Variants in MYH7 observed in about 807,000 individuals in gnomAD.
MYH7 encodes myosin heavy chain 7, also known as myosin-7.
A neutral mutation model predicts 225.4 loss-of-function variants in MYH7; 129 were observed. The observed-to-expected ratio is 0.57, with a 90% CI of 0.50 to 0.66. The LOEUF is 0.66. MYH7 is among the 30% of genes least tolerant of loss of function. The pLI is 0.00. For missense variants in MYH7, 1,649 were observed against 2,517.0 expected (o/e 0.66, Z 7.38); for synonymous variants, 971 against 1,007.6 (o/e 0.96, Z 0.69).
chr14:23,418,396 G>T lies in MYH7; in HGVS notation c.3983C>A (p.Ala1328Asp). 6.2e-7 allele frequency: 1 copy of T among 1,607,678 alleles called. No homozygotes were observed. Among genetic ancestry groups the T allele is most frequent in the Non-Finnish European group, 8.5e-7 (1 of 1,175,642 alleles). The change falls in exon 30 of 40, where the codon GCC becomes GAC. Residue 1328 changes from alanine to aspartate, a missense_variant. By Grantham distance (126) the Ala-to-Asp change is moderately radical. This residue lies in a region of MYH7 where 687 missense variants were observed against 913.8 expected (regional missense o/e 0.75). Coordinates refer to ENST00000355349, the MANE Select transcript of MYH7 (RefSeq NM_000257.4). ...QLEEEVKAKN[A>D]LAHALQSARH... The stretch of plus-strand genomic sequence containing the variant: ...GGCCGACTGCAGTGCGTGGGCCAGG[G>T]CGTTCTTCGCCTGGGGAGGGGTGGG...
chr14:23,428,754 C>T, intron 14 of MYH7, 84 bp from the exon 15 acceptor site: 1 of 1,606,018 alleles, frequency 6.2e-7, no homozygotes, highest in East Asian at 2.2e-5. Context: ...GTGCCTGAGC[C>T]CAGCAGGGCG....
In MYH7 at chr14:23,413,897, C is replaced by G. The variant is rs397516250; in HGVS notation, c.5656-4G>C. ...GGTTGGTGTTGGCTTGCTCCTCCTG[C>G]GGGAGGTGGGAGCATGAGGTGAGAG... On this transcript the variant is annotated splice_polypyrimidine_tract_variant and splice_region_variant and intron_variant, in intron 38 of 39. Transcript: ENST00000355349. The G allele has an allele frequency of 4.3e-6, 7 of 1,614,212 alleles. No homozygotes were observed. Among genetic ancestry groups the G allele is most frequent in the Non-Finnish European group, 5.9e-6 (7 of 1,180,050 alleles).
In MYH7 at chr14:23,417,157, C is replaced by T. The variant is rs397516219; in HGVS notation, c.4515G>A (p.Leu1505=). 96 of 1,614,068 alleles carry T rather than the reference C, an allele frequency of 5.9e-5. No homozygotes were observed. The highest frequency in any genetic ancestry group is 7.9e-5 in the Non-Finnish European group (93 of 1,180,044). The change falls in exon 32 of 40, where the codon CTG becomes CTA. Residue 1505 remains leucine, a synonymous_variant. Transcript: ENST00000355349. The stretch of plus-strand genomic sequence containing the variant: ...CCTCTTGGGCCCCCAGCACACCCTG[C>T]AGGTTTTTGTTCTCCCGCTTGAAGG... ...LETFKRENKN[L]QEEISDLTEQ... is the part of the protein sequence containing the mutation.
intron 39 of MYH7, 105 bp downstream of exon 39, chr14:23,413,654 C>T: frequency 6.6e-7 from 1 of 1,515,014 alleles, no homozygotes; most frequent in Non-Finnish European, 9.0e-7. Context: ...CCATGTGGCT[C>T]AAGTGTGTGG....
At chr14:23,416,422 G>C in intron 33 of MYH7, 110 bp from the exon 34 acceptor site, 1 of 1,236,198 alleles carries the variant, frequency 8.1e-7, no homozygotes, top group Non-Finnish European at 1.1e-6. Flanking sequence ...TGGTGTAAGT[G>C]GTTCAAAGAA....
At chr14:23,418,469 C>A in intron 29 of MYH7, 63 bp from the exon 30 acceptor site, 1 of 1,513,086 alleles carries the variant, frequency 6.6e-7, no homozygotes, top group Non-Finnish European at 8.8e-7. Context: ...CCCACCCTTG[C>A]CCTTCTCCTC....
chr14:23,431,651 C>T lies in MYH7; in HGVS notation c.666G>A (p.Gln222=), dbSNP rs1489868206. 3 of 1,614,244 alleles carry T rather than the reference C, an allele frequency of 1.9e-6. No individual in the cohort carries two copies. Among genetic ancestry groups the T allele is most frequent in the Non-Finnish European group, 2.5e-6 (3 of 1,180,048 alleles). The change falls in exon 8 of 40, where the codon CAG becomes CAA. Residue 222 remains glutamine (Q), a synonymous_variant. Coordinates refer to ENST00000355349, the MANE Select transcript of MYH7 (RefSeq NM_000257.4). ...CAAAGGCCTCCAGAGCAGGGTTGGC[C>T]TGGATGATCTGGTCCTCCAGGGTGC... ...GKGTLEDQII[Q]ANPALEAFGN... is the part of the protein sequence containing the mutation.
intron 22 of MYH7, among the ~76,000 whole-genome samples, chr14:23,424,358 G>C (rs1021646189): frequency 1.3e-5 from 2 of 152,218 alleles, no homozygotes; most frequent in African/African-American, 4.8e-5. Flanking sequence ...AAAGGAACCA[G>C]AAATCTTCAT....
At position 23,415,809 on chromosome 14, in the gene MYH7, A is replaced by G. The variant is rs753021990; in HGVS notation, c.4977T>C (p.Asp1659=). 14 of 1,614,192 alleles carry G rather than the reference A, an allele frequency of 8.7e-6. 1 individual carries two copies. The South Asian group carries it at 1.3e-4, about 15-fold the overall frequency. The change falls in exon 35 of 40, where the codon GAT becomes GAC. Residue 1659 remains aspartate (D), a synonymous_variant. Coordinates refer to ENST00000355349, the MANE Select transcript of MYH7 (RefSeq NM_000257.4). This position sits in a 1 kb window ranked among gnomAD's most constrained non-coding sequence, Gnocchi z 6.3. ...LLKDTQIQLD[D]AVRANDDLKE... ...TCAGGTCGTCGTTGGCACGGACTGC[A>G]TCGTCCAGCTGAATCTGGGTGTCCT...
chr14:23,422,115 C>T (rs916123), intron 25 of MYH7, 65 bp downstream of exon 25: 1 of 1,608,458 alleles, frequency 6.2e-7, no homozygotes, highest in Admixed American at 1.7e-5. Context: ...GGATGGCTGT[C>T]TTGGGTCTGC....
chr14:23,434,028 C>G (rs1465044132), intron 2 of MYH7, among the ~76,000 whole-genome samples, 166 bp downstream of exon 2: 1 of 152,258 alleles, frequency 6.6e-6, no homozygotes, highest in East Asian at 1.9e-4. Flanking sequence ...ATTTCCATCT[C>G]TGACCCTCAT....
At chr14:23,428,406 T>C (rs1892782468) in intron 15 of MYH7, 94 bp downstream of exon 15, 2 of 1,589,152 alleles carry the variant, frequency 1.3e-6, no homozygotes, top group East Asian at 2.2e-5. Context: ...CTTCTATTTT[T>C]ATATTCCCCA....
intron 25 of MYH7, among the ~76,000 whole-genome samples, chr14:23,421,372 CTTTAAT>C (rs1251250870): frequency 6.6e-6 from 1 of 152,160 alleles, no homozygotes; most frequent in Non-Finnish European, 1.5e-5. Context: ...CTCTGATGGT[CTTTAAT>C]TTTGTCACTA....
chr14:23,433,313 C>T lies in MYH7; in HGVS notation c.202-86G>A. On this transcript the variant is annotated intron_variant, in intron 3 of 39. Coordinates refer to ENST00000355349, the MANE Select transcript of MYH7 (RefSeq NM_000257.4). This position sits in a 1 kb window ranked among gnomAD's most constrained non-coding sequence, Gnocchi z 4.1. ...GGTTAGGAGTTGGTGAGTGACAGGGCAATAGTGCTCAAGAGAGAAGGAACC... is the reference window on the plus strand; with the variant it reads ...GGTTAGGAGTTGGTGAGTGACAGGGTAATAGTGCTCAAGAGAGAAGGAACC... 6.3e-7 allele frequency: 1 copy of T among 1,586,622 alleles called. No individual in the cohort carries two copies. Among genetic ancestry groups the T allele is most frequent in the Admixed American group, 1.7e-5 (1 of 57,904 alleles).
At chr14:23,427,064 A>G (rs1354670203) in intron 17 of MYH7, among the ~76,000 whole-genome samples, 176 bp downstream of exon 17, 1 of 151,774 alleles carries the variant, frequency 6.6e-6, no homozygotes, top group Non-Finnish European at 1.5e-5. Flanking sequence ...GATGGGAAGT[A>G]AATAAGTGAA....
At position 23,415,082 on chromosome 14, in the gene MYH7, A is replaced by C; in HGVS notation, c.5472T>G (p.Asn1824Lys). 6.2e-7 allele frequency: 1 copy of C among 1,613,812 alleles called. No homozygotes were observed. The highest frequency in any genetic ancestry group is 8.5e-7 in the Non-Finnish European group (1 of 1,180,040). Residue 1824 changes from asparagine to lysine, a missense_variant, in exon 37 of 40, where the codon AAT becomes AAG. This residue lies in a region of MYH7 where 687 missense variants were observed against 913.8 expected (regional missense o/e 0.75). Transcript: ENST00000355349. The surrounding 1 kb of genome is among the most constrained non-coding windows in gnomAD (Gnocchi z 6.3). Reference sequence around the variant, plus strand: ...TGCGCTTCTGCTCGGCCTCCAGCTCATTCTCCAGCTCCCGCACCCGCGCTT... The same window carrying C: ...TGCGCTTCTGCTCGGCCTCCAGCTCCTTCTCCAGCTCCCGCACCCGCGCTT... The part of the protein sequence containing the change: ...KLEARVRELE[N>K]ELEAEQKRNA...
chr14:23,422,218 C>T lies in MYH7; in HGVS notation c.3207G>A (p.Leu1069=). 2 of 1,613,758 alleles carry T rather than the reference C, an allele frequency of 1.2e-6. No individual in the cohort carries two copies. Among genetic ancestry groups the T allele is most frequent in the Non-Finnish European group, 1.7e-6 (2 of 1,180,034 alleles). Residue 1069 remains leucine (L), a synonymous_variant, in exon 25 of 40, where the codon CTG becomes CTA. Transcript: ENST00000355349. The stretch of plus-strand genomic sequence containing the variant: ...CATCCAGCTGCTGCTTGTCATTCTC[C>T]AGGTCCATGATGCTCTCCTGGGTCA... The part of the protein sequence containing the change: ...LKLTQESIMD[L]ENDKQQLDER...
chr14:23,422,273 G>A lies in MYH7; in HGVS notation c.3152C>T (p.Ala1051Val), dbSNP rs727504358. The stretch of plus-strand genomic sequence containing the variant: ...CAGGTCGCCCTCCAGCTTCCGCTTC[G>A]CTCGCTCCAGGTCCATGCGCACCTT... ...EKKVRMDLER[A>V]KRKLEGDLKL... Residue 1051 changes from alanine to valine, a missense_variant, in exon 25 of 40, where the codon GCG becomes GTG. Physicochemically the swap from Ala to Val is moderately conservative, Grantham distance 64. Coordinates refer to ENST00000355349, the MANE Select transcript of MYH7 (RefSeq NM_000257.4). 2.5e-5 allele frequency: 40 copies of A among 1,613,990 alleles called. No individual in the cohort carries two copies. Among genetic ancestry groups the A allele is most frequent in the South Asian group, 9.9e-5 (9 of 91,084 alleles).
chr14:23,426,590 C>T (rs757630895), intron 18 of MYH7, among the ~76,000 whole-genome samples, 187 bp downstream of exon 18: 1 of 152,220 alleles, frequency 6.6e-6, no homozygotes, highest in Non-Finnish European at 1.5e-5. Flanking sequence ...ACACATCACC[C>T]TCATTACACA....
Sources: gnomAD v4.1 joint callset for allele counts (sites outside exome capture counted in the v4.1 genomes callset) on GRCh38, gnomAD v4.1.1 for gene constraint, gnomAD v4.1.1 regional missense constraint, Gnocchi (gnomAD v3.1) non-coding constraint, MANE v1.5 for transcripts, NCBI Gene and HGNC (gene_info 2026-07-23, HGNC 2026-07-21) for gene names.